PDE1A: variants seen among roughly 807,000 people sequenced by gnomAD.
The protein encoded by PDE1A is phosphodiesterase 1A, also known as dual specificity calcium/calmodulin-dependent 3',5'-cyclic nucleotide phosphodiesterase 1A.
In PDE1A, 35 loss-of-function variants were observed where a neutral mutation model predicts 61.7. That is an observed-to-expected ratio of 0.57 (90% CI 0.43 to 0.75). The LOEUF (loss-of-function observed/expected upper bound fraction) is 0.75, where lower values mean the gene tolerates loss of function less well. Ranked by LOEUF, PDE1A falls within the 30% of genes least tolerant of loss-of-function variation. The pLI is 0.00. For synonymous variants in PDE1A, 232 were observed against 213.2 expected (o/e 1.09, Z -0.77); for missense variants, 597 against 630.6 (o/e 0.95, Z 0.57).
chr2:182,498,909 C>G (rs1183681457), intron 2 of PDE1A, among the ~76,000 whole-genome samples: 3 of 151,874 alleles, frequency 2.0e-5, no homozygotes, highest in Non-Finnish European at 4.4e-5. Context: ...CGCCACTGCA[C>G]TCCAGCCTGG....
At chr2:182,587,655 G>T in the PDE1A span, among the ~76,000 whole-genome samples, 1 of 152,102 alleles carries the variant, frequency 6.6e-6, no homozygotes. Flanking sequence ...AAATCAAATC[G>T]ATGGCTGATC....
At chr2:182,371,659 G>C (rs1700133527) in intron 1 of PDE1A, among the ~76,000 whole-genome samples, 1 of 152,146 alleles carries the variant, frequency 6.6e-6, no homozygotes, top group African/African-American at 2.4e-5. Context: ...CCTCTCAAAG[G>C]TGATAGTAAT....
At chr2:182,422,608 G>A (rs1032748966) in intron 1 of PDE1A, among the ~76,000 whole-genome samples, 1 of 152,004 alleles carries the variant, frequency 6.6e-6, no homozygotes, top group Non-Finnish European at 1.5e-5. Context: ...GCAATAAGGT[G>A]GAAATGTCTT....
At chr2:182,346,323 C>T (rs895905626) in intron 1 of PDE1A, among the ~76,000 whole-genome samples, 19 of 152,082 alleles carry the variant, frequency 1.2e-4, no homozygotes, top group African/African-American at 4.6e-4. Flanking sequence ...CTCAAAACTT[C>T]CTTTAATGGA....
At chr2:182,532,242 T>G in the PDE1A span, among the ~76,000 whole-genome samples, 2 of 152,198 alleles carry the variant, frequency 1.3e-5, no homozygotes, top group African/African-American at 4.8e-5. Flanking sequence ...AGAAGGATAT[T>G]AAATATACCC....
chr2:182,431,535 A>G (rs937118422), upstream of PDE1A, among the ~76,000 whole-genome samples: 3 of 152,164 alleles, frequency 2.0e-5, no homozygotes, highest in East Asian at 1.9e-4. Context: ...ACTACTGCAT[A>G]TAAGTGAGTG....
chr2:182,531,819 T>C, the PDE1A span, among the ~76,000 whole-genome samples: 2 of 152,200 alleles, frequency 1.3e-5, no homozygotes, highest in African/African-American at 4.8e-5. Context: ...TCATTTACAT[T>C]AGGTATATCT....
chr2:182,242,909 T>TCC (rs1008129415), intron 2 of PDE1A, among the ~76,000 whole-genome samples: 6 of 87,294 alleles, frequency 6.9e-5, no homozygotes, highest in Admixed American at 2.3e-4. Context: ...CCTCTCTCTC[T>TCC]CTCTCTCTCT....
intron 4 of PDE1A, among the ~76,000 whole-genome samples, chr2:182,234,106 A>T (rs1271121629): frequency 2.0e-5 from 3 of 152,278 alleles, no homozygotes; most frequent in Middle Eastern, 3.4e-3. Context: ...TCATAACAAA[A>T]TATGTACATT....
chr2:182,654,933 G>T, the PDE1A span, among the ~76,000 whole-genome samples: 1 of 152,130 alleles, frequency 6.6e-6, no homozygotes, highest in Non-Finnish European at 1.5e-5. Flanking sequence ...GTCCCAGTGG[G>T]TCAAGGCCTC....
chr2:182,448,177 C>G (rs1204618925), intron 2 of PDE1A, among the ~76,000 whole-genome samples: 1 of 152,100 alleles, frequency 6.6e-6, no homozygotes. Flanking sequence ...AACACTCATG[C>G]TTGGCACATT....
the PDE1A span, among the ~76,000 whole-genome samples, chr2:182,580,145 C>G: frequency 2.6e-5 from 4 of 152,188 alleles, no homozygotes; most frequent in Non-Finnish European, 5.9e-5. Context: ...CAGAGAACTT[C>G]TTATGGTTGG....
chr2:182,187,215 G>T (rs1261500706), intron 11 of PDE1A, among the ~76,000 whole-genome samples: 2 of 152,118 alleles, frequency 1.3e-5, no homozygotes, highest in Non-Finnish European at 1.5e-5. Context: ...AACATCTCTG[G>T]GAGACAGCAT....
At chr2:182,522,304 C>T in exon 2 of PDE1A, 1 of 1,613,526 alleles carries the variant, frequency 6.2e-7, no homozygotes, top group Non-Finnish European at 8.5e-7. Context: ...CACATTTTTT[C>T]AGTCTGTTCT....
At chr2:182,715,431 T>TC in the PDE1A span, among the ~76,000 whole-genome samples, 4 of 152,220 alleles carry the variant, frequency 2.6e-5, no homozygotes, top group African/African-American at 9.6e-5. Flanking sequence ...TGTGTAGTTT[T>TC]CCAAGTTTTT....
At position 182,234,492 on chromosome 2, in the gene PDE1A, G is replaced by C; in HGVS notation, c.357C>G (p.Tyr119Ter). 5 of 1,595,000 alleles carry C rather than the reference G, an allele frequency of 3.1e-6. No individual in the cohort carries two copies. The highest frequency in any genetic ancestry group is 4.3e-6 in the Non-Finnish European group (5 of 1,165,804). The stretch of plus-strand genomic sequence containing the variant: ...AACCAACCATATGATATGTTTTTCG[G>C]TACATTCTAAAAAAGACAAAAATAA... Residue 119 changes from tyrosine to a stop codon, truncating the protein, a stop_gained, in exon 4 of 14, where the codon TAC (tyrosine) becomes TAG (stop). Coordinates refer to ENST00000351439, the Ensembl canonical transcript of PDE1A. LOFTEE classifies it high-confidence loss of function.
At chr2:182,439,224 T>C (rs1684636619) in intron 2 of PDE1A, among the ~76,000 whole-genome samples, 1 of 151,844 alleles carries the variant, frequency 6.6e-6, no homozygotes, top group Admixed American at 6.6e-5. Context: ...AAAAGATGGT[T>C]CAAGTGAAGA....
At chr2:182,582,597 C>G in the PDE1A span, among the ~76,000 whole-genome samples, 1 of 152,138 alleles carries the variant, frequency 6.6e-6, no homozygotes, top group Non-Finnish European at 1.5e-5. Flanking sequence ...GAGAGTGCCA[C>G]TCGGGCCAAG....
chr2:182,451,378 C>CAAAAAAAAAAAAAAAAA (rs1219608685), intron 2 of PDE1A, among the ~76,000 whole-genome samples: 13 of 12,288 alleles, frequency 1.1e-3, no homozygotes, highest in South Asian at 9.4e-3. Flanking sequence ...GACTCCGTCT[C>CAAAAAAAAAAAAAAAAA]AAAAAAAAAA....
Sources: gnomAD v4.1 joint callset for allele counts (sites outside exome capture counted in the v4.1 genomes callset) on GRCh38, gnomAD v4.1.1 for gene constraint, MANE v1.5 for transcripts, NCBI Gene and HGNC (gene_info 2026-07-23, HGNC 2026-07-21) for gene names.